The following SPG11 variants were observed in gnomAD, a reference collection of about 807,000 sequenced individuals.
SPG11 encodes the protein spatacsin.
In SPG11, 222 loss-of-function variants were observed where a neutral mutation model predicts 274.0. That is an observed-to-expected ratio of 0.81 (90% CI 0.73 to 0.91). The LOEUF is 0.91. Ranked by LOEUF, SPG11 falls within the 40% of genes least tolerant of loss-of-function variation. The pLI is 0.00. For synonymous variants in SPG11, 1,144 were observed against 1,039.7 expected (o/e 1.10, Z -1.93); for missense variants, 3,114 against 2,872.7 (o/e 1.08, Z -1.92).
chr15:44,569,669 G>A (rs2082377702), intron 34 of SPG11, among the ~76,000 whole-genome samples, 164 bp from the exon 35 acceptor site: 1 of 151,748 alleles, frequency 6.6e-6, no homozygotes, highest in South Asian at 2.1e-4. Context: ...CCAACAGGGG[G>A]CCTCTGGAGG....
chr15:44,621,401 T>C (rs2083746320), intron 14 of SPG11: 1 of 177,610 alleles, frequency 5.6e-6, no homozygotes, highest in Non-Finnish European at 1.2e-5. Flanking sequence ...TCTGAATTGC[T>C]ACTGTTTACC....
intron 19 of SPG11, among the ~76,000 whole-genome samples, chr15:44,607,368 G>A (rs1384538534): frequency 2.0e-5 from 3 of 152,208 alleles, no homozygotes; most frequent in African/African-American, 7.2e-5. Flanking sequence ...TGCAACTTTC[G>A]CCTCCCAGGT....
intron 23 of SPG11, among the ~76,000 whole-genome samples, chr15:44,597,728 G>C (rs1054926180): frequency 3.9e-5 from 6 of 152,228 alleles, no homozygotes; most frequent in Non-Finnish European, 8.8e-5. Flanking sequence ...TGCGTTCTCA[G>C]GGTCTGGAGT....
In SPG11 at chr15:44,562,769, G is replaced by GTGTAAATAATAATTAAATT. The variant is rs1245311214; in HGVS notation, c.*333_*351dup. On this transcript the variant is annotated 3_prime_UTR_variant, in exon 40 of 40. Transcript: ENST00000261866. ...AAAATGTATCACCTGTTCCTTAACTGTGTAAATAATAATTAAATTTCTTTG... is the reference window on the plus strand; with the variant it reads ...AAAATGTATCACCTGTTCCTTAACTGTGTAAATAATAATTAAATTTGTAAATAATAATTAAATTTCTTTG... The GTGTAAATAATAATTAAATT allele has an allele frequency of 8.6e-6, 2 of 232,414 alleles. No homozygotes were observed. Among genetic ancestry groups the GTGTAAATAATAATTAAATT allele is most frequent in the African/African-American group, 2.3e-5 (1 of 43,352 alleles). 14.4% of individuals were successfully genotyped at this position (232,414 alleles called of 1,614,324 possible).
At chr15:44,628,074 A>G (rs1400530930) in intron 10 of SPG11, among the ~76,000 whole-genome samples, 1 of 152,136 alleles carries the variant, frequency 6.6e-6, no homozygotes, top group Non-Finnish European at 1.5e-5. Context: ...TTGTTTTTCC[A>G]ATACCAATAC....
At chr15:44,646,296 C>A (rs2084608966) in intron 7 of SPG11, among the ~76,000 whole-genome samples, 1 of 152,162 alleles carries the variant, frequency 6.6e-6, no homozygotes, top group Admixed American at 6.5e-5. Flanking sequence ...CACACTGCTA[C>A]AAAGATACTA....
At chr15:44,584,914 C>T (rs963309714) in intron 29 of SPG11, among the ~76,000 whole-genome samples, 3 of 152,202 alleles carry the variant, frequency 2.0e-5, no homozygotes, top group Non-Finnish European at 4.4e-5. Context: ...TAGGCATGAG[C>T]CACTGCACCT....
Position 44,566,229 on chromosome 15 carries a change from C to G in SPG11, c.6831G>C (p.Glu2277Asp), listed in dbSNP as rs1330629132. 1.2e-6 allele frequency: 2 copies of G among 1,614,226 alleles called. No individual in the cohort carries two copies. The highest frequency in any genetic ancestry group is 1.3e-5 in the African/African-American group (1 of 75,068). The change falls in exon 37 of 40, where the codon GAG becomes GAC. Residue 2277 changes from glutamate to aspartate, a missense_variant. Glu to Asp is a conservative substitution (Grantham distance 45). Transcript: ENST00000261866. Reference sequence around the variant, plus strand: ...GCCTTTGGGTTACCTTGGCATAACTCTCTGCTGCATCCAACATCAGAGTCA... The same window carrying G: ...GCCTTTGGGTTACCTTGGCATAACTGTCTGCTGCATCCAACATCAGAGTCA... ...KALTLMLDAA[E>D]SYAKDSCVRQ... is the part of the protein sequence containing the mutation.
rs202244309 is a variant in SPG11, at chr15:44,584,457, A to G, written c.5223T>C (p.Asn1741=). ...WKKCHENFKK[N]SISSKAASSF... is the part of the protein sequence containing the mutation. The stretch of plus-strand genomic sequence containing the variant: ...AAGAAGCTGCTTTGCTTGAAATTGA[A>G]TTTTTCTTAAAATTCTCATGGCATT... The change falls in exon 30 of 40, where the codon AAT becomes AAC. Residue 1741 remains asparagine, a synonymous_variant. Transcript: ENST00000261866. 30 of 1,613,860 alleles carry G rather than the reference A, an allele frequency of 1.9e-5. No individual in the cohort carries two copies. Among genetic ancestry groups the G allele is most frequent in the Admixed American group, 1.7e-5 (1 of 59,974 alleles).
At chr15:44,575,627 T>A (rs991080761) in intron 30 of SPG11, among the ~76,000 whole-genome samples, 1 of 151,568 alleles carries the variant, frequency 6.6e-6, no homozygotes, top group African/African-American at 2.4e-5. Flanking sequence ...CTCGAGTAGC[T>A]GGGATTACAG....
chr15:44,656,705 C>A (rs2084951404), intron 4 of SPG11, among the ~76,000 whole-genome samples: 1 of 152,024 alleles, frequency 6.6e-6, no homozygotes, highest in African/African-American at 2.4e-5. Flanking sequence ...AAGTCATTGA[C>A]AATGAATTTA....
At position 44,565,966 on chromosome 15, in the gene SPG11, T is replaced by G. The variant is rs889145962; in HGVS notation, c.6887A>C (p.Lys2296Thr). The G allele has an allele frequency of 2.5e-6, 4 of 1,613,998 alleles. No individual in the cohort carries two copies. The highest frequency in any genetic ancestry group is 3.4e-6 in the Non-Finnish European group (4 of 1,180,024). ...RQAQHCQRLTKLITLQIHFLN... is the reference protein window; with the variant it reads ...RQAQHCQRLTTLITLQIHFLN... ...AAAGTGAATCTGCAGAGTTATCAAC[T>G]TGGTGAGCCGCTGACAGTGCTGGGC... The change falls in exon 38 of 40, where the codon AAG (lysine) becomes ACG (threonine). Residue 2296 changes from lysine (K) to threonine (T), a missense_variant. Physicochemically the swap from Lys to Thr is moderately conservative, Grantham distance 78 (BLOSUM62 -1). Coordinates refer to ENST00000261866, the MANE Select transcript of SPG11 (RefSeq NM_025137.4).
Position 44,584,299 on chromosome 15 carries a change from A to G in SPG11, c.5381T>C (p.Leu1794Pro), listed in dbSNP as rs201689565. The G allele has an allele frequency of 6.0e-5, 97 of 1,612,628 alleles. No individual in the cohort carries two copies. The highest frequency in any genetic ancestry group is 8.0e-5 in the Non-Finnish European group (94 of 1,179,074). ...AQEDVVPLDK[L>P]EELEKQIWLC... ...CCAGATCTGCTTCTCCAGCTCCTCCAGCTTATCCAAGGGCACCACGTCCTC... is the reference window on the plus strand; with the variant it reads ...CCAGATCTGCTTCTCCAGCTCCTCCGGCTTATCCAAGGGCACCACGTCCTC... The change falls in exon 30 of 40, where the codon CTG becomes CCG. Residue 1794 changes from leucine (L) to proline (P), a missense_variant. By Grantham distance (98) the Leu-to-Pro change is moderately conservative. Transcript: ENST00000261866.
At chr15:44,593,754 CTT>C (rs112815798) in intron 26 of SPG11, among the ~76,000 whole-genome samples, 64 of 135,394 alleles carry the variant, frequency 4.7e-4, no homozygotes, top group Non-Finnish European at 2.9e-4. Context: ...TTCATAATAT[CTT>C]TTTTTTTTTT....
chr15:44,642,971 C>A (rs960224151), intron 7 of SPG11, among the ~76,000 whole-genome samples: 1 of 152,082 alleles, frequency 6.6e-6, no homozygotes, highest in African/African-American at 2.4e-5. Context: ...TCAAAGATAT[C>A]CATGATATTC....
intron 4 of SPG11, among the ~76,000 whole-genome samples, chr15:44,653,988 C>A (rs923342103): frequency 6.6e-6 from 1 of 152,050 alleles, no homozygotes; most frequent in Non-Finnish European, 1.5e-5. Context: ...GGGTCTTGCT[C>A]TGTTGCCCAG....
rs2082300364 is a variant in SPG11, at chr15:44,565,989, G to C, written c.6864C>G (p.Ala2288=). 6.2e-7 allele frequency: 1 copy of C among 1,613,700 alleles called. No individual in the cohort carries two copies. The highest frequency in any genetic ancestry group is 1.3e-5 in the African/African-American group (1 of 74,890). The change falls in exon 38 of 40, where the codon GCC becomes GCG. Residue 2288 remains alanine (A), a synonymous_variant. Transcript: ENST00000261866. ...SYAKDSCVRQ[A]QHCQRLTKLI... ...ACTTGGTGAGCCGCTGACAGTGCTG[G>C]GCCTGTCGCACACAGGAGTCCTGAG...
chr15:44,655,531 A>G (rs1271864400), intron 4 of SPG11, among the ~76,000 whole-genome samples: 1 of 152,224 alleles, frequency 6.6e-6, no homozygotes, highest in Non-Finnish European at 1.5e-5. Flanking sequence ...GTAGAGTATC[A>G]ATACAGTACA....
intron 1 of SPG11, among the ~76,000 whole-genome samples, chr15:44,662,987 T>C (rs775836228): frequency 3.9e-5 from 6 of 152,220 alleles, no homozygotes; most frequent in Non-Finnish European, 8.8e-5. Flanking sequence ...ATCAGGATGA[T>C]TCAAATTAGA....
Sources: allele counts gnomAD v4.1 joint callset (sites outside exome capture counted in the v4.1 genomes callset), GRCh38; gene constraint gnomAD v4.1.1; transcripts MANE v1.5; gene names NCBI Gene and HGNC (gene_info 2026-07-23, HGNC 2026-07-21).